ALDH1A1: variants seen among roughly 807,000 people sequenced by gnomAD.
ALDH1A1 encodes the protein aldehyde dehydrogenase 1 family member A1, also known as aldehyde dehydrogenase 1A1.
ALDH1A1 carries 19 observed loss-of-function variants against 62.1 expected under a neutral mutation model. The observed-to-expected ratio is 0.31, with a 90% CI of 0.21 to 0.45. ALDH1A1 has a LOEUF of 0.45. Ranked by LOEUF, ALDH1A1 falls within the 20% of genes least tolerant of loss-of-function variation. The pLI is 1.00. For missense variants in ALDH1A1, 521 were observed against 607.1 expected (o/e 0.86, Z 1.49); for synonymous variants, 231 against 215.9 (o/e 1.07, Z -0.61).
chr9:72,909,840 C>T lies in ALDH1A1; in HGVS notation c.1201-81G>A, dbSNP rs375492525. ...ATGATATCGTAGATTTTTTTTCCTA[C>T]ACGCTATCCTAAATTGATTAAGATT... On this transcript the variant is annotated intron_variant, in intron 10 of 12. Coordinates refer to ENST00000297785, the MANE Select transcript of ALDH1A1 (RefSeq NM_000689.5). 5.2e-5 allele frequency: 63 copies of T among 1,212,886 alleles called. 1 individual carries two copies. Among genetic ancestry groups the T allele is most frequent in the East Asian group, 3.6e-4 (14 of 38,614 alleles). The allele number at this position is 1,212,886 out of a possible 1,614,324, so 75.1% of individuals were successfully genotyped here. A position where few individuals can be genotyped will look rare whatever the true frequency, so the allele number is the denominator to read the frequency against.
chr9:72,932,975 A>T (rs1434069572), intron 2 of ALDH1A1, among the ~76,000 whole-genome samples: 2 of 152,216 alleles, frequency 1.3e-5, no homozygotes, highest in Non-Finnish European at 2.9e-5. Flanking sequence ...TGGCTTCAAG[A>T]TAAGTAACTC....
chr9:72,925,720 G>C, intron 5 of ALDH1A1, 108 bp from the exon 6 acceptor site: 3 of 1,285,912 alleles, frequency 2.3e-6, no homozygotes, highest in East Asian at 5.2e-5. Context: ...TAATTGCGTA[G>C]TTTTGTGAAA....
chr9:72,916,351 T>C (rs1246288000), intron 9 of ALDH1A1, among the ~76,000 whole-genome samples: 2 of 152,182 alleles, frequency 1.3e-5, no homozygotes, highest in African/African-American at 4.8e-5. Context: ...GAGAGACCTT[T>C]ACTGATAATA....
At chr9:72,931,053 A>G in intron 2 of ALDH1A1, 34 bp from the exon 3 acceptor site, 1 of 1,613,344 alleles carries the variant, frequency 6.2e-7, no homozygotes, top group Non-Finnish European at 8.5e-7. Flanking sequence ...TCAGTAAGCT[A>G]AACATATTAG....
chr9:72,938,154 C>T (rs529531727), intron 2 of ALDH1A1, among the ~76,000 whole-genome samples: 52 of 151,992 alleles, frequency 3.4e-4, no homozygotes, highest in Non-Finnish European at 6.5e-4. Flanking sequence ...AACATGTGAT[C>T]GCTATAATTA....
intron 7 of ALDH1A1, among the ~76,000 whole-genome samples, chr9:72,919,204 G>A (rs1403867559): frequency 6.6e-6 from 1 of 152,198 alleles, no homozygotes; most frequent in African/African-American, 2.4e-5. Context: ...GATGGCTACG[G>A]AGGTTATTTT....
intron 12 of ALDH1A1, among the ~76,000 whole-genome samples, chr9:72,902,514 A>T (rs1248196069): frequency 6.6e-6 from 1 of 152,044 alleles, no homozygotes; most frequent in African/African-American, 2.4e-5. Flanking sequence ...TGGTCCTTAA[A>T]GTAATTAAAG....
chr9:72,943,931 C>A (rs1418406414), intron 1 of ALDH1A1, among the ~76,000 whole-genome samples: 1 of 151,394 alleles, frequency 6.6e-6, no homozygotes, highest in Non-Finnish European at 1.5e-5. Flanking sequence ...AAGGATGGAA[C>A]TGGATTGGTG....
intron 12 of ALDH1A1, among the ~76,000 whole-genome samples, chr9:72,902,589 G>A (rs945160912): frequency 6.6e-6 from 1 of 151,934 alleles, no homozygotes; most frequent in South Asian, 2.1e-4. Flanking sequence ...TTATCTCAGG[G>A]TTAGATCAAT....
At chr9:72,936,342 A>G (rs1448668304) in intron 2 of ALDH1A1, among the ~76,000 whole-genome samples, 1 of 152,178 alleles carries the variant, frequency 6.6e-6, no homozygotes, top group Non-Finnish European at 1.5e-5. Context: ...TTCCTAATAA[A>G]ATTAATCCCA....
At chr9:72,926,123 C>T (rs180858656) in intron 5 of ALDH1A1, among the ~76,000 whole-genome samples, 1 of 152,320 alleles carries the variant, frequency 6.6e-6, no homozygotes, top group East Asian at 1.9e-4. Flanking sequence ...TGAACTCACA[C>T]AGGTTACGTG....
chr9:72,908,552 GAAGAAAGAAAGAAAGAAAGAAAGA>G (rs141763068), intron 11 of ALDH1A1, among the ~76,000 whole-genome samples: 2,848 of 91,842 alleles, frequency 0.031, 68 homozygotes, highest in East Asian at 0.06. Context: ...AGAAAAGAAA[GAAGAAAGAAAGAAAGAAAGAAAGA>G]AAGAAAGAAA....
chr9:72,949,877 GTAT>G (rs1830521499), intron 1 of ALDH1A1, among the ~76,000 whole-genome samples: 1 of 151,082 alleles, frequency 6.6e-6, no homozygotes, highest in Non-Finnish European at 1.5e-5. Context: ...TAAAACAACA[GTAT>G]TGTGAAGAGA....
chr9:72,950,823 G>T (rs1830535796), intron 1 of ALDH1A1, among the ~76,000 whole-genome samples: 1 of 150,428 alleles, frequency 6.6e-6, no homozygotes, highest in Non-Finnish European at 1.5e-5. Context: ...TGCTTACTTG[G>T]TTTGTAACCA....
chr9:72,908,333 G>T (rs1829903820), intron 11 of ALDH1A1, among the ~76,000 whole-genome samples: 1 of 147,670 alleles, frequency 6.8e-6, no homozygotes. Flanking sequence ...TAGTTGGGAG[G>T]CTGAGGCAGG....
At chr9:72,905,714 A>G (rs138313143) in intron 12 of ALDH1A1, among the ~76,000 whole-genome samples, 5 of 152,252 alleles carry the variant, frequency 3.3e-5, no homozygotes, top group African/African-American at 7.2e-5. Context: ...ACAATCACCA[A>G]TGTAAGTTGC....
intron 1 of ALDH1A1, among the ~76,000 whole-genome samples, chr9:72,949,623 A>G (rs1365780746): frequency 1.3e-5 from 2 of 150,018 alleles, no homozygotes; most frequent in African/African-American, 5.0e-5. Flanking sequence ...AGTAAGCACA[A>G]TAAATTTTAC....
intron 12 of ALDH1A1, among the ~76,000 whole-genome samples, chr9:72,901,614 T>C (rs1829804623): frequency 6.6e-6 from 1 of 151,946 alleles, no homozygotes; most frequent in African/African-American, 2.4e-5. Flanking sequence ...CTTGGAGAAA[T>C]GAAAACAAAA....
chr9:72,943,041 A>C (rs981349545), intron 1 of ALDH1A1, among the ~76,000 whole-genome samples: 1 of 152,162 alleles, frequency 6.6e-6, no homozygotes, highest in African/African-American at 2.4e-5. Flanking sequence ...CAAAACCTGC[A>C]TCAGATTTAT....
Sources: allele counts gnomAD v4.1 joint callset (sites outside exome capture counted in the v4.1 genomes callset), GRCh38; gene constraint gnomAD v4.1.1; transcripts MANE v1.5; gene names NCBI Gene and HGNC (gene_info 2026-07-23, HGNC 2026-07-21).